IDUA: variants seen among roughly 807,000 people sequenced by gnomAD.
IDUA encodes alpha-L-iduronidase.
Under a neutral mutation model 68.9 loss-of-function variants are expected in IDUA, and 65 were observed. The observed-to-expected ratio is 0.94, with a 90% CI of 0.77 to 1.16. IDUA has a LOEUF of 1.16. Ranked by LOEUF, IDUA falls within the 50% of genes most tolerant of loss-of-function variation. IDUA has a pLI of 0.00. For synonymous variants in IDUA, 529 were observed against 433.6 expected (o/e 1.22, Z -2.73); for missense variants, 1,046 against 938.0 (o/e 1.12, Z -1.50).
chr4:998,788 C>T (rs1404803662), intron 2 of IDUA, among the ~76,000 whole-genome samples: 19 of 151,568 alleles, frequency 1.3e-4, no homozygotes, highest in Admixed American at 1.1e-3. Context: ...CCCCGACCCC[C>T]CACCTCACCC....
At chr4:995,606 C>T (rs1451642952) in intron 2 of IDUA, among the ~76,000 whole-genome samples, 3 of 152,248 alleles carry the variant, frequency 2.0e-5, no homozygotes, top group African/African-American at 7.2e-5. Flanking sequence ...ACAGGCTCTA[C>T]TTCTCCTGTC....
chr4:988,211 C>G, intron 2 of IDUA: 3 of 1,338,856 alleles, frequency 2.2e-6, no homozygotes, highest in South Asian at 3.5e-5. Flanking sequence ...CTGGTGCACC[C>G]GTGAGCATCC....
intron 2 of IDUA, chr4:990,759 A>G: frequency 2.6e-6 from 1 of 389,114 alleles, no homozygotes; most frequent in Non-Finnish European, 4.6e-6. Context: ...TGGACAGGCC[A>G]AGGCAGGAGA....
In IDUA at chr4:1,003,796, C is replaced by T. The variant is rs539050480; in HGVS notation, c.1727+171C>T. 63 of 824,204 alleles carry T rather than the reference C, an allele frequency of 7.6e-5. No homozygotes were observed. In the African/African-American group the frequency reaches 7.8e-4, roughly 10 times the overall value. The allele number at this position is 824,204 out of a possible 1,614,324, so 51.1% of individuals were successfully genotyped here. A position where few individuals can be genotyped will look rare whatever the true frequency, so the allele number is the denominator to read the frequency against. ...ACACACTGTGGGCCACGCGCCAGGCCCTGCCAGTGGGGTGTGGGTTCTCCT... is the reference window on the plus strand; with the variant it reads ...ACACACTGTGGGCCACGCGCCAGGCTCTGCCAGTGGGGTGTGGGTTCTCCT... On this transcript the variant is annotated intron_variant, in intron 12 of 13. Transcript: ENST00000514224.
chr4:991,080 AG>A (rs34164224), intron 2 of IDUA: 17 of 1,499,910 alleles, frequency 1.1e-5, no homozygotes, highest in African/African-American at 1.1e-4. Context: ...CCAAAACCTA[AG>A]GGGGGGTGCC....
chr4:989,036 G>C, intron 2 of IDUA: 2 of 1,581,162 alleles, frequency 1.3e-6, no homozygotes, highest in African/African-American at 2.7e-5. Context: ...CCGTAGTCTC[G>C]GCGCAGGTCC....
At chr4:990,123 C>T (rs139361937) in intron 2 of IDUA, 33 of 1,578,720 alleles carry the variant, frequency 2.1e-5, no homozygotes, top group Middle Eastern at 1.7e-4. Context: ...CTAGCAGCAC[C>T]GCCAGGCACA....
intron 2 of IDUA, among the ~76,000 whole-genome samples, chr4:997,660 G>C (rs1246460984): frequency 6.6e-6 from 1 of 152,134 alleles, no homozygotes; most frequent in Non-Finnish European, 1.5e-5. Flanking sequence ...CTGCGTCTCC[G>C]GCCCTGGGGG....
Position 989,557 on chromosome 4 carries a change from G to A in IDUA, c.299+1608G>A, listed in dbSNP as rs376705237. The A allele has an allele frequency of 5.1e-5, 80 of 1,581,036 alleles. No homozygotes were observed. Among genetic ancestry groups the A allele is most frequent in the Admixed American group, 1.4e-4 (8 of 55,466 alleles). On this transcript the variant is annotated intron_variant, in intron 2 of 13. Transcript: ENST00000514224. ...AGCCGGGCTCATCCGCCACAGCCGC[G>A]GGAGGTCCCACACCTTGCGCAGGGC...
intron 2 of IDUA, among the ~76,000 whole-genome samples, chr4:995,206 G>A (rs543139850): frequency 9.8e-4 from 149 of 152,120 alleles, no homozygotes; most frequent in Middle Eastern, 6.8e-3. Context: ...CACCACGCCC[G>A]GCTAATTTTT....
At chr4:989,343 G>T (rs765801335) in intron 2 of IDUA, 1 of 1,603,688 alleles carries the variant, frequency 6.2e-7, no homozygotes, top group Non-Finnish European at 8.5e-7. Context: ...CGGGCTCAGG[G>T]ACGAGGCCCT....
intron 10 of IDUA, 54 bp downstream of exon 10, chr4:1,003,211 G>T (rs1214640375): frequency 3.9e-6 from 5 of 1,274,898 alleles, no homozygotes; most frequent in Admixed American, 4.2e-5. Flanking sequence ...TCCCGGGGGG[G>T]TGGGGTCCGG....
chr4:992,135 G>A (rs977314900), intron 2 of IDUA: 34 of 482,220 alleles, frequency 7.1e-5, no homozygotes, highest in Admixed American at 4.4e-4. Flanking sequence ...CTGCCACCAC[G>A]CACATGTGCC....
intron 2 of IDUA, among the ~76,000 whole-genome samples, chr4:996,286 G>T (rs1327821983): frequency 1.3e-5 from 2 of 152,234 alleles, no homozygotes; most frequent in Admixed American, 6.5e-5. Flanking sequence ...GCCCCTCTGG[G>T]TGCAGCCACC....
chr4:1,004,202 CA>C lies in IDUA; in HGVS notation c.1829-57del. On this transcript the variant is annotated intron_variant, in intron 13 of 13. Coordinates refer to ENST00000514224, the MANE Select transcript of IDUA (RefSeq NM_000203.5). The surrounding 1 kb of genome is among the most constrained non-coding windows in gnomAD (Gnocchi z 5.0). ...GTGGGGGCCTCGAGAAGCCTGGGGT[CA>C]GGGGGCTTTCGGGTGGGGGCAGGTT... 1 of 1,610,972 alleles carries C rather than the reference CA, an allele frequency of 6.2e-7. No homozygotes were observed. The highest frequency in any genetic ancestry group is 8.5e-7 in the Non-Finnish European group (1 of 1,179,818).
chr4:1,002,816 A>T lies in IDUA; in HGVS notation c.1274A>T (p.His425Leu), dbSNP rs1294331782. Residue 425 changes from histidine to leucine, a missense_variant, in exon 9 of 14, where the codon CAC becomes CTC. Transcript: ENST00000514224. ...NHTVGVLASAHRPQGPADAWR... is the reference protein window; with the variant it reads ...NHTVGVLASALRPQGPADAWR... ...ACGGTGGGCGTCCTGGCCAGCGCCCACCGCCCCCAGGGCCCGGCCGACGCC... is the reference window on the plus strand; with the variant it reads ...ACGGTGGGCGTCCTGGCCAGCGCCCTCCGCCCCCAGGGCCCGGCCGACGCC... 1.4e-6 allele frequency: 2 copies of T among 1,453,126 alleles called. No homozygotes were observed. Among genetic ancestry groups the T allele is most frequent in the Non-Finnish European group, 1.8e-6 (2 of 1,108,488 alleles). The allele number at this position is 1,453,126 out of a possible 1,614,324, so 90.0% of individuals were successfully genotyped here.
At position 1,001,875 on chromosome 4, in the gene IDUA, C is replaced by T; in HGVS notation, c.786C>T (p.His262=). 6.3e-7 allele frequency: 1 copy of T among 1,583,916 alleles called. No individual in the cohort carries two copies. The highest frequency in any genetic ancestry group is 8.6e-7 in the Non-Finnish European group (1 of 1,167,040). ...TGCGGCTGGACTACATCTCCCTCCA[C>T]AGGAAGGTGCGCCCTGCCCCTCCGT... The part of the protein sequence containing the change: ...AGVRLDYISL[H]RKGARSSISI... Residue 262 remains histidine (H), a synonymous_variant, in exon 6 of 14, where the codon CAC becomes CAT. Transcript: ENST00000514224.
In IDUA at chr4:1,001,884, G is replaced by GCGCCCTGCCCCTCCGTC. The variant is rs1422387269; in HGVS notation, c.792+9_792+25dup. 2.2e-5 allele frequency: 34 copies of GCGCCCTGCCCCTCCGTC among 1,578,748 alleles called. No homozygotes were observed. Among genetic ancestry groups the GCGCCCTGCCCCTCCGTC allele is most frequent in the Non-Finnish European group, 2.8e-5 (33 of 1,164,128 alleles). On this transcript the variant is annotated splice_donor_region_variant and intron_variant, in intron 6 of 13. Transcript: ENST00000514224. ...ACTACATCTCCCTCCACAGGAAGGT[G>GCGCCCTGCCCCTCCGTC]CGCCCTGCCCCTCCGTCCGCCCCGG...
Position 1,002,931 on chromosome 4 carries a change from G to T in IDUA, c.1389G>T (p.Val463=). 1 of 1,359,334 alleles carries T rather than the reference G, an allele frequency of 7.4e-7. No homozygotes were observed. The highest frequency in any genetic ancestry group is 9.4e-7 in the Non-Finnish European group (1 of 1,064,004). The allele number at this position is 1,359,334 out of a possible 1,614,324, so 84.2% of individuals were successfully genotyped here. Residue 463 remains valine, a synonymous_variant, in exon 9 of 14, where the codon GTG becomes GTT. Transcript: ENST00000514224. ...SVAVTLRLRG[V]PPGPGLVYVT... is the part of the protein sequence containing the mutation. ...CGGTGACCCTGCGGCTGCGCGGGGT[G>T]CCCCCCGGCCCGGGTAAGCCGGGGT...
Sources: allele counts gnomAD v4.1 joint callset (sites outside exome capture counted in the v4.1 genomes callset), GRCh38; gene constraint gnomAD v4.1.1; non-coding constraint Gnocchi (gnomAD v3.1); transcripts MANE v1.5; gene names NCBI Gene and HGNC (gene_info 2026-07-23, HGNC 2026-07-21).